Variants in NEXMIF observed in about 807,000 individuals in gnomAD.
NEXMIF encodes neurite extension and migration factor.
NEXMIF carries 8 observed loss-of-function variants against 62.1 expected under a neutral mutation model. The observed-to-expected ratio is 0.13, with a 90% CI of 0.08 to 0.23. NEXMIF has a LOEUF of 0.23. Ranked by LOEUF, NEXMIF falls within the 10% of genes least tolerant of loss-of-function variation. NEXMIF has a pLI of 1.00. For synonymous variants in NEXMIF, 404 were observed against 416.6 expected (o/e 0.97, Z 0.37); for missense variants, 976 against 1,113.3 (o/e 0.88, Z 1.75).
chrX:74,849,479 T>A (rs1260796779), intron 1 of NEXMIF, among the ~76,000 whole-genome samples: 1 of 112,105 alleles, frequency 8.9e-6, no homozygotes, highest in Non-Finnish European at 1.9e-5. Flanking sequence ...GACTGCATGA[T>A]GGCATGCTCC....
At chrX:74,828,218 G>T (rs905913640) in intron 1 of NEXMIF, among the ~76,000 whole-genome samples, 6 of 111,565 alleles carry the variant, frequency 5.4e-5, no homozygotes, top group African/African-American at 2.0e-4. Context: ...AAAGAGGAGG[G>T]AGTATGATGA....
At chrX:74,890,126 T>A (rs1245167027) in intron 1 of NEXMIF, among the ~76,000 whole-genome samples, 4 of 110,236 alleles carry the variant, frequency 3.6e-5, no homozygotes, top group Non-Finnish European at 7.6e-5. Flanking sequence ...TGAGCCTCTA[T>A]CCCCATTTTG....
chrX:74,738,857 T>C lies in NEXMIF; in HGVS notation c.*548A>G, dbSNP rs41307363. 0.02 allele frequency: 2,085 copies of C among 105,246 alleles called. 22 individuals carry two copies. Among genetic ancestry groups the C allele is most frequent in the Non-Finnish European group, 0.023 (1,173 of 50,853 alleles). 8.7% of individuals were successfully genotyped at this position (105,246 alleles called of 1,213,427 possible). On this transcript the variant is annotated 3_prime_UTR_variant, in exon 4 of 4. Transcript: ENST00000055682. ...GTGTATATATATATATACATATATA[T>C]ACACACACACACACACACACAAACA...
chrX:74,769,939 G>T, intron 1 of NEXMIF: 1 of 232,281 alleles, frequency 4.3e-6, no homozygotes, highest in Non-Finnish European at 7.7e-6. Flanking sequence ...CACACACAGG[G>T]GTTTCTCATT....
chrX:74,799,775 C>T (rs1197569199), intron 1 of NEXMIF, among the ~76,000 whole-genome samples: 45 of 111,916 alleles, frequency 4.0e-4, no homozygotes, highest in African/African-American at 1.5e-3. Flanking sequence ...GGATTACAGG[C>T]ATGAGCCACT....
At chrX:74,767,112 C>T (rs1485540508) in intron 1 of NEXMIF, among the ~76,000 whole-genome samples, 4 of 112,564 alleles carry the variant, frequency 3.6e-5, no homozygotes, top group African/African-American at 9.6e-5. Flanking sequence ...ACCTGCCCCT[C>T]CCACTGGGAG....
At chrX:74,886,614 G>C (rs1378016790) in intron 1 of NEXMIF, among the ~76,000 whole-genome samples, 1 of 110,706 alleles carries the variant, frequency 9.0e-6, no homozygotes, top group African/African-American at 3.3e-5. Flanking sequence ...ACCTCTTCAA[G>C]GAGAACTACA....
At chrX:74,869,824 C>A (rs1180238120) in intron 1 of NEXMIF, among the ~76,000 whole-genome samples, 1 of 110,538 alleles carries the variant, frequency 9.0e-6, no homozygotes, top group Non-Finnish European at 1.9e-5. Flanking sequence ...AATAGGACAC[C>A]AAAAAATGGA....
intron 1 of NEXMIF, among the ~76,000 whole-genome samples, chrX:74,841,916 T>C (rs1161607723): frequency 5.4e-5 from 6 of 111,706 alleles, no homozygotes; most frequent in Non-Finnish European, 1.1e-4. Flanking sequence ...TCAATGTTCA[T>C]CAAGGATATT....
In NEXMIF at chrX:74,744,002, C is replaced by G; in HGVS notation, c.555G>C (p.Gln185His). 1.7e-6 allele frequency: 2 copies of G among 1,210,831 alleles called. No homozygotes were observed. The highest frequency in any genetic ancestry group is 2.2e-6 in the Non-Finnish European group (2 of 894,799). The change falls in exon 3 of 4, where the codon CAG (glutamine) becomes CAC (histidine). Residue 185 changes from glutamine (Q) to histidine (H), a missense_variant. This residue lies in a region of NEXMIF where 126 missense variants were observed against 146.5 expected (regional missense o/e 0.86). Coordinates refer to ENST00000055682, the MANE Select transcript of NEXMIF (RefSeq NM_001008537.3). ...TCATATTTTCTCCAGCATTAATACA[C>G]TGAATCCCTATATCAGAGACTGCAC... ...ETCAVSDIGI[Q>H]CINAGENMKY...
chrX:74,860,713 A>C (rs1181897458), intron 1 of NEXMIF, among the ~76,000 whole-genome samples: 2 of 112,011 alleles, frequency 1.8e-5, no homozygotes, highest in Admixed American at 1.9e-4. Flanking sequence ...TGATTATGGA[A>C]ATACAACATA....
chrX:74,754,466 G>A (rs1343694980), intron 1 of NEXMIF, among the ~76,000 whole-genome samples: 1 of 106,318 alleles, frequency 9.4e-6, no homozygotes. Flanking sequence ...CTGACACCAC[G>A]CCTGGCTAAT....
At chrX:74,893,967 CA>C (rs1320046584) in intron 1 of NEXMIF, among the ~76,000 whole-genome samples, 1 of 110,989 alleles carries the variant, frequency 9.0e-6, no homozygotes, top group East Asian at 2.8e-4. Context: ...AAAAATTAAG[CA>C]AAATAGACAA....
intron 1 of NEXMIF, among the ~76,000 whole-genome samples, chrX:74,887,642 AAAC>A (rs1474774938): frequency 9.0e-6 from 1 of 110,538 alleles, no homozygotes; most frequent in Admixed American, 9.6e-5. Flanking sequence ...AAAAGTCAGG[AAAC>A]AACAGGTGCT....
At chrX:74,870,723 C>T (rs751122314) in intron 1 of NEXMIF, among the ~76,000 whole-genome samples, 38 of 111,956 alleles carry the variant, frequency 3.4e-4, no homozygotes, top group African/African-American at 1.1e-3. Flanking sequence ...GGCTCAACAT[C>T]ATCAATCATC....
chrX:74,899,797 A>C (rs972392846), intron 1 of NEXMIF, among the ~76,000 whole-genome samples: 2 of 111,903 alleles, frequency 1.8e-5, no homozygotes, highest in Admixed American at 9.5e-5. Flanking sequence ...GGAAAGAACA[A>C]AGCACAGGCA....
intron 1 of NEXMIF, among the ~76,000 whole-genome samples, chrX:74,752,633 C>G (rs746592660): frequency 9.0e-6 from 1 of 111,431 alleles, no homozygotes; most frequent in African/African-American, 3.3e-5. Context: ...AAACAATATT[C>G]ATTAAGACTG....
At chrX:74,800,379 T>A in intron 1 of NEXMIF, among the ~76,000 whole-genome samples, 1 of 111,990 alleles carries the variant, frequency 8.9e-6, no homozygotes, top group East Asian at 2.8e-4. Flanking sequence ...ACTAGCTTTT[T>A]TTTTTATAAA....
chrX:74,919,885 T>C (rs1231230679), intron 1 of NEXMIF, among the ~76,000 whole-genome samples: 1 of 110,726 alleles, frequency 9.0e-6, no homozygotes, highest in African/African-American at 3.3e-5. Flanking sequence ...GTTTGGTTTT[T>C]TGTCCTTGTG....
Sources: gnomAD v4.1 joint callset for allele counts (sites outside exome capture counted in the v4.1 genomes callset) on GRCh38, gnomAD v4.1.1 for gene constraint, gnomAD v4.1.1 regional missense constraint, MANE v1.5 for transcripts, NCBI Gene and HGNC (gene_info 2026-07-23, HGNC 2026-07-21) for gene names.